Variants in EYS observed in about 807,000 individuals in gnomAD.
The protein encoded by EYS is protein eyes shut homolog.
In EYS, 250 loss-of-function variants were observed where a neutral mutation model predicts 282.1. The ratio of observed to expected loss-of-function variants is 0.89; its 90% CI spans 0.80 to 0.98. The LOEUF (loss-of-function observed/expected upper bound fraction) is 0.98. EYS is among the 50% of genes least tolerant of loss of function. The pLI is 0.00. For missense variants in EYS, 4,016 were observed against 3,709.0 expected (o/e 1.08, Z -2.15); for synonymous variants, 1,355 against 1,282.9 (o/e 1.06, Z -1.20).
intron 26 of EYS, among the ~76,000 whole-genome samples, chr6:64,443,915 T>C (rs759954292): frequency 6.6e-5 from 10 of 152,300 alleles, no homozygotes; most frequent in Non-Finnish European, 1.2e-4. Context: ...TTAAAAAAGA[T>C]TTCTGGGGGA....
intron 33 of EYS, among the ~76,000 whole-genome samples, chr6:64,041,552 T>C (rs2149837584): frequency 6.6e-6 from 1 of 152,230 alleles, no homozygotes; most frequent in Non-Finnish European, 1.5e-5. Flanking sequence ...GCCCTGGATT[T>C]GAGGATGAAC....
rs1034978831 is a variant in EYS at position 65,578,438 on chromosome 6, A to C, written c.-333+61340T>G. On this transcript the variant is annotated intron_variant, in intron 2 of 42. Coordinates refer to ENST00000503581, the MANE Select transcript of EYS (RefSeq NM_001142800.2). ...GAAACAGAGTAAAATTGTTGTTACG[A>C]GAGGCTTTGGGGTGGAATTCTTGGG... Among the ~76,000 whole-genome samples, 3 of 151,898 alleles carry C rather than the reference A, an allele frequency of 2.0e-5. No homozygotes were observed. In the South Asian group the frequency reaches 6.2e-4, roughly 31 times the overall value.
intron 24 of EYS, among the ~76,000 whole-genome samples, chr6:64,611,397 C>T (rs561300687): frequency 3.9e-5 from 6 of 152,076 alleles, no homozygotes; most frequent in Admixed American, 6.6e-5. Context: ...ACTCAGAGTT[C>T]GCCAATTGCT....
intron 23 of EYS, among the ~76,000 whole-genome samples, chr6:64,618,225 T>A (rs1767336073): frequency 6.6e-6 from 1 of 152,194 alleles, no homozygotes; most frequent in Non-Finnish European, 1.5e-5. Context: ...CATTGCTAAG[T>A]ATTCCATAAG....
chr6:63,800,494 T>G (rs1005098946), intron 37 of EYS, among the ~76,000 whole-genome samples: 13 of 152,304 alleles, frequency 8.5e-5, no homozygotes, highest in South Asian at 2.1e-4. Flanking sequence ...GCAGTGAGAT[T>G]AATTGTTAAA....
chr6:65,573,701 C>G (rs1162132347), intron 2 of EYS, among the ~76,000 whole-genome samples: 6 of 152,148 alleles, frequency 3.9e-5, no homozygotes, highest in Non-Finnish European at 1.5e-5. Flanking sequence ...TGTTAGTTTG[C>G]ACACATAGGC....
At chr6:65,679,448 G>T (rs1417105839) in intron 1 of EYS, among the ~76,000 whole-genome samples, 5 of 151,928 alleles carry the variant, frequency 3.3e-5, no homozygotes, top group Non-Finnish European at 7.4e-5. Context: ...CACCAGGACA[G>T]ATACTGCATG....
rs370719436 is a variant in EYS at position 64,164,820 on chromosome 6, A to T, written c.6424+65772T>A. ...GTCCTCTGCCTTATTGTTATGTTGA[A>T]GTTAATTGACCATATTTAAGCAGAC... On this transcript the variant is annotated intron_variant, in intron 31 of 42. Transcript: ENST00000503581. Among the ~76,000 whole-genome samples, 87 of 152,272 alleles carry T rather than the reference A, an allele frequency of 5.7e-4. 1 individual carries two copies. Among genetic ancestry groups the T allele is most frequent in the African/African-American group, 2.0e-3 (85 of 41,584 alleles).
intron 18 of EYS, among the ~76,000 whole-genome samples, chr6:64,901,508 A>G (rs1767663090): frequency 6.6e-6 from 1 of 151,850 alleles, no homozygotes; most frequent in Non-Finnish European, 1.5e-5. Flanking sequence ...TAATACAAAA[A>G]TTGTATTTTT....
chr6:65,404,576 G>C (rs1033624307), intron 6 of EYS, among the ~76,000 whole-genome samples: 18 of 151,824 alleles, frequency 1.2e-4, no homozygotes, highest in Non-Finnish European at 2.4e-4. Flanking sequence ...GTATATTGTA[G>C]AAGAAATATC....
intron 2 of EYS, among the ~76,000 whole-genome samples, chr6:65,556,356 A>C (rs973654799): frequency 1.4e-4 from 21 of 145,084 alleles, no homozygotes; most frequent in African/African-American, 5.3e-4. Context: ...TTACAGCTTT[A>C]CTATTTAATA....
chr6:64,974,759 G>C (rs1770420134), intron 14 of EYS, among the ~76,000 whole-genome samples: 1 of 151,842 alleles, frequency 6.6e-6, no homozygotes, highest in Non-Finnish European at 1.5e-5. Context: ...GATAGTCTGT[G>C]TATACCGCAC....
chr6:65,480,702 C>T (rs1765575165), intron 5 of EYS, among the ~76,000 whole-genome samples: 1 of 152,074 alleles, frequency 6.6e-6, no homozygotes, highest in Admixed American at 6.6e-5. Context: ...TATATGGAAT[C>T]AACCTAGATG....
rs1022081145 is a variant in EYS, at chr6:64,914,061, G to A, written c.2382-1318C>T. Among the ~76,000 whole-genome samples the A allele has an allele frequency of 2.0e-5, 3 of 151,986 alleles. No individual in the cohort carries two copies. The East Asian group carries it at 5.8e-4, about 29-fold the overall frequency. ...GTCTGCCGTGAAGAGAAAAATTCTA[G>A]CAGACAGGAGGGGGAAAGTGTTTTA... is the stretch of plus-strand genomic sequence containing the variant. On this transcript the variant is annotated intron_variant, in intron 15 of 42. Coordinates refer to ENST00000503581, the MANE Select transcript of EYS (RefSeq NM_001142800.2).
At chr6:64,641,510 T>A (rs962609775) in intron 22 of EYS, among the ~76,000 whole-genome samples, 2 of 152,150 alleles carry the variant, frequency 1.3e-5, no homozygotes, top group East Asian at 3.9e-4. Context: ...GTTCCATGCA[T>A]CAAAATAGCA....
chr6:64,944,920 C>T (rs1769226352), intron 15 of EYS, among the ~76,000 whole-genome samples: 1 of 151,928 alleles, frequency 6.6e-6, no homozygotes, highest in Non-Finnish European at 1.5e-5. Context: ...TAGTACCTTC[C>T]CTTGAACTTA....
At chr6:64,494,691 C>T (rs546972513) in intron 26 of EYS, among the ~76,000 whole-genome samples, 1 of 151,742 alleles carries the variant, frequency 6.6e-6, no homozygotes, top group African/African-American at 2.4e-5. Flanking sequence ...ATTGAAAAAA[C>T]CACTACTCTT....
intron 36 of EYS, among the ~76,000 whole-genome samples, chr6:63,843,691 C>T (rs1201091069): frequency 1.3e-5 from 2 of 152,130 alleles, no homozygotes; most frequent in African/African-American, 2.4e-5. Flanking sequence ...AAAACCAGCA[C>T]AAGACAAGGA....
intron 40 of EYS, 175 bp downstream of exon 40, chr6:63,777,831 T>C (rs1239945084): frequency 3.3e-6 from 2 of 609,102 alleles, no homozygotes; most frequent in South Asian, 2.0e-5. Flanking sequence ...GCTGTGCTGA[T>C]CCTATTTTTA....
Sources: gnomAD v4.1 joint callset for allele counts (sites outside exome capture counted in the v4.1 genomes callset) on GRCh38, gnomAD v4.1.1 for gene constraint, MANE v1.5 for transcripts, NCBI Gene and HGNC (gene_info 2026-07-23, HGNC 2026-07-21) for gene names.